ASAP1: variants seen among roughly 807,000 people sequenced by gnomAD.
ASAP1 encodes ArfGAP with SH3 domain, ankyrin repeat and PH domain 1.
ASAP1 carries 43 observed loss-of-function variants against 145.2 expected under a neutral mutation model. That is an observed-to-expected ratio of 0.30 (90% CI 0.23 to 0.38). The LOEUF (loss-of-function observed/expected upper bound fraction) is 0.38, where lower values mean the gene tolerates loss of function less well. Among genes scored for constraint, ASAP1 ranks in the 10% least tolerant of loss-of-function variants. The probability of loss-of-function intolerance (pLI) is 1.00; values close to 1 mark genes in which losing one functional copy is unlikely to be tolerated. For synonymous variants in ASAP1, 546 were observed against 515.5 expected (o/e 1.06, Z -0.80); for missense variants, 1,018 against 1,355.3 (o/e 0.75, Z 3.91).
chr8:130,232,563 T>C (rs1420539791), intron 4 of ASAP1, among the ~76,000 whole-genome samples: 1 of 151,376 alleles, frequency 6.6e-6, no homozygotes, highest in East Asian at 1.9e-4. Flanking sequence ...CAAGGAAAAG[T>C]GAGACACAAA....
intron 5 of ASAP1, among the ~76,000 whole-genome samples, 167 bp downstream of exon 5, chr8:130,214,388 CT>C (rs1038875415): frequency 9.2e-5 from 14 of 152,216 alleles, no homozygotes; most frequent in African/African-American, 3.1e-4. Flanking sequence ...GACTAAAAAG[CT>C]TTTTAGTTGA....
At chr8:130,321,632 T>G (rs1282816196) in intron 3 of ASAP1, among the ~76,000 whole-genome samples, 2 of 152,220 alleles carry the variant, frequency 1.3e-5, no homozygotes, top group Non-Finnish European at 2.9e-5. Flanking sequence ...CCAACACTTG[T>G]GCATAGTTTG....
chr8:130,435,950 T>C (rs1414849762), intron 1 of ASAP1, among the ~76,000 whole-genome samples: 2 of 152,190 alleles, frequency 1.3e-5, no homozygotes, highest in Non-Finnish European at 2.9e-5. Flanking sequence ...TGCTGAAGCA[T>C]AATACTGCTC....
Position 130,262,428 on chromosome 8 carries a change from G to A in ASAP1, c.187-25434C>T, listed in dbSNP as rs1187585215. 6.4e-3 allele frequency among the ~76,000 whole-genome samples: 637 copies of A among 99,578 alleles called. 9 individuals are homozygous for A. Among genetic ancestry groups the A allele is most frequent in the East Asian group, 7.3e-3 (21 of 2,876 alleles). The allele number at this position is 99,578 out of a possible 152,430, so 65.3% of individuals were successfully genotyped here. On this transcript the variant is annotated intron_variant, in intron 3 of 29. Transcript: ENST00000518721. Reference sequence around the variant, plus strand: ...AAAAAAAAAAAAAAAGAGAGAGAGAGAGAGAGAGAGAGAGAGAGAGAGAGA... The same window carrying A: ...AAAAAAAAAAAAAAAGAGAGAGAGAAAGAGAGAGAGAGAGAGAGAGAGAGA...
intron 18 of ASAP1, among the ~76,000 whole-genome samples, chr8:130,123,064 G>A (rs1355254793): frequency 1.3e-5 from 2 of 152,080 alleles, no homozygotes; most frequent in Non-Finnish European, 2.9e-5. Context: ...TGTAATTTGT[G>A]CTTTTTTTTT....
chr8:130,222,212 C>T lies in ASAP1; in HGVS notation c.260-7511G>A, dbSNP rs572163903. Among the ~76,000 whole-genome samples, 21 of 152,324 alleles carry T rather than the reference C, an allele frequency of 1.4e-4. No individual in the cohort carries two copies. In the South Asian group the frequency reaches 4.3e-3, roughly 32 times the overall value. On this transcript the variant is annotated intron_variant, in intron 4 of 29. Transcript: ENST00000518721. ...GCCTTCCTCAAAACTTTCAGAACCA[C>T]AGCAATTATTAAATAGGTCTCTCCC...
In ASAP1 at chr8:130,387,051, G is replaced by GA. The variant is rs562467066; in HGVS notation, c.59+14833dup. On this transcript the variant is annotated intron_variant, in intron 2 of 29. Coordinates refer to ENST00000518721, the MANE Select transcript of ASAP1 (RefSeq NM_018482.4). ...TGTTCTTTATTTTCTTAAAAACAGA[G>GA]AAAATTGTTCTCTCCTCAAATCTGT... 5.4e-4 allele frequency among the ~76,000 whole-genome samples: 83 copies of GA among 152,304 alleles called. 1 individual carries two copies. The South Asian group carries it at 0.017, about 31-fold the overall frequency.
At chr8:130,275,202 T>C (rs1025409301) in intron 3 of ASAP1, among the ~76,000 whole-genome samples, 4 of 152,246 alleles carry the variant, frequency 2.6e-5, no homozygotes, top group African/African-American at 9.6e-5. Flanking sequence ...TTCTTCCAAA[T>C]GCTTTGAAAC....
intron 1 of ASAP1, among the ~76,000 whole-genome samples, chr8:130,411,863 A>T (rs1298321334): frequency 6.6e-6 from 1 of 152,132 alleles, no homozygotes; most frequent in Non-Finnish European, 1.5e-5. Context: ...TGACAGAGAG[A>T]ATACAACCAA....
At chr8:130,064,614 G>T (rs1176726420) in intron 27 of ASAP1, among the ~76,000 whole-genome samples, 1 of 152,034 alleles carries the variant, frequency 6.6e-6, no homozygotes, top group East Asian at 1.9e-4. Context: ...CAAATGTGTG[G>T]GGGTCTCACC....
chr8:130,094,911 C>T (rs1171606438), intron 24 of ASAP1, among the ~76,000 whole-genome samples: 1 of 152,146 alleles, frequency 6.6e-6, no homozygotes, highest in African/African-American at 2.4e-5. Flanking sequence ...GATGCAGTTC[C>T]CTGCTAGGAA....
chr8:130,382,486 G>A (rs1827827351), intron 2 of ASAP1, among the ~76,000 whole-genome samples: 2 of 152,138 alleles, frequency 1.3e-5, no homozygotes, highest in South Asian at 2.1e-4. Flanking sequence ...GAACAGGGAG[G>A]AAGGACCAAA....
chr8:130,150,386 TGC>T (rs2097643255), intron 13 of ASAP1, among the ~76,000 whole-genome samples: 1 of 152,220 alleles, frequency 6.6e-6, no homozygotes, highest in African/African-American at 2.4e-5. Flanking sequence ...CACTAAGCAG[TGC>T]CACTGATTCA....
rs1268452732 is a variant in ASAP1, at chr8:130,072,822, T to TGCGCGCGCGCGC, written c.2701+3525_2701+3526insGCGCGCGCGCGC. Among the ~76,000 whole-genome samples, 4 of 26,056 alleles carry TGCGCGCGCGCGC rather than the reference T, an allele frequency of 1.5e-4. No individual in the cohort carries two copies. The South Asian group carries it at 4.5e-3, about 30-fold the overall frequency. 17.1% of individuals were successfully genotyped at this position (26,056 alleles called of 152,430 possible). A position where few individuals can be genotyped will look rare whatever the true frequency, so the allele number is the denominator to read the frequency against. ...GTGTGTGTGTGTGTGTGTGTGTGTGTGTGCGCGCGGGGGGGGGCAGTTTTG... is the reference window on the plus strand; with the variant it reads ...GTGTGTGTGTGTGTGTGTGTGTGTGTGCGCGCGCGCGCGTGCGCGCGGGGGGGGGCAGTTTTG... On this transcript the variant is annotated intron_variant, in intron 27 of 29. Coordinates refer to ENST00000518721, the MANE Select transcript of ASAP1 (RefSeq NM_018482.4).
intron 2 of ASAP1, among the ~76,000 whole-genome samples, chr8:130,375,325 C>A (rs1827432280): frequency 1.3e-5 from 2 of 151,742 alleles, no homozygotes; most frequent in Non-Finnish European, 1.5e-5. Context: ...CCCTGGAGAA[C>A]TGCTGGGAAG....
intron 24 of ASAP1, among the ~76,000 whole-genome samples, chr8:130,103,292 T>C (rs965860602): frequency 3.7e-4 from 56 of 152,066 alleles, no homozygotes; most frequent in African/African-American, 6.8e-4. Flanking sequence ...TTGGGTCTTC[T>C]CCCTTCTTTT....
At chr8:130,161,407 A>C (rs747491607) in intron 11 of ASAP1, among the ~76,000 whole-genome samples, 1 of 152,242 alleles carries the variant, frequency 6.6e-6, no homozygotes, top group Non-Finnish European at 1.5e-5. Context: ...CAAAATTAAT[A>C]TAAGTAACAA....
At chr8:130,345,990 C>G (rs577696582) in intron 3 of ASAP1, among the ~76,000 whole-genome samples, 4 of 152,180 alleles carry the variant, frequency 2.6e-5, no homozygotes, top group Non-Finnish European at 5.9e-5. Context: ...TCCAACTGCT[C>G]TATGCAATTG....
chr8:130,270,413 C>A (rs1820516849), intron 3 of ASAP1, among the ~76,000 whole-genome samples: 1 of 152,194 alleles, frequency 6.6e-6, no homozygotes, highest in Non-Finnish European at 1.5e-5. Flanking sequence ...TCTGTCTGAT[C>A]TGTGTGATCT....
Sources: allele counts gnomAD v4.1 joint callset (sites outside exome capture counted in the v4.1 genomes callset), GRCh38; gene constraint gnomAD v4.1.1; transcripts MANE v1.5; gene names NCBI Gene and HGNC (gene_info 2026-07-23, HGNC 2026-07-21).